Variants in SBF2 observed in about 807,000 individuals in gnomAD.
The protein encoded by SBF2 is SET binding factor 2.
SBF2 carries 112 observed loss-of-function variants against 225.2 expected under a neutral mutation model. That is an observed-to-expected ratio of 0.50 (90% CI 0.43 to 0.58). The LOEUF is 0.58. SBF2 is among the 20% of genes least tolerant of loss of function. SBF2 has a pLI of 0.00. For missense variants in SBF2, 1,996 were observed against 2,206.2 expected, an observed-to-expected ratio of 0.90 and a Z score of 1.91; for synonymous variants, 763 against 773.3, an observed-to-expected ratio of 0.99 and a Z score of 0.22.
chr11:9,844,500 C>T (rs931386126), intron 24 of SBF2, among the ~76,000 whole-genome samples: 3 of 152,104 alleles, frequency 2.0e-5, no homozygotes, highest in African/African-American at 7.2e-5. Context: ...TTCGTCATAA[C>T]TGAAGTTTAA....
At chr11:9,976,747 TTTTC>T (rs200419999) in intron 13 of SBF2, among the ~76,000 whole-genome samples, 6,496 of 151,950 alleles carry the variant, frequency 0.043, 185 homozygotes, top group Middle Eastern at 0.13. Flanking sequence ...AACTGATTTC[TTTTC>T]TTTTTTTTTG....
At chr11:9,969,065 A>AC (rs1352011117) in intron 13 of SBF2, among the ~76,000 whole-genome samples, 1 of 152,224 alleles carries the variant, frequency 6.6e-6, no homozygotes, top group East Asian at 1.9e-4. Flanking sequence ...TGCAGCTCTT[A>AC]ATCTTCACCC....
At chr11:10,180,163 A>G (rs988605396) in intron 2 of SBF2, among the ~76,000 whole-genome samples, 1 of 152,064 alleles carries the variant, frequency 6.6e-6, no homozygotes, top group African/African-American at 2.4e-5. Context: ...TGTTATAAGT[A>G]TTGCCAGTGA....
intron 1 of SBF2, among the ~76,000 whole-genome samples, chr11:10,255,351 AATTTT>A (rs1300578342): frequency 1.3e-5 from 2 of 152,138 alleles, no homozygotes; most frequent in Admixed American, 6.5e-5. Context: ...AACACACATA[AATTTT>A]ATTTGTCAAT....
intron 1 of SBF2, among the ~76,000 whole-genome samples, chr11:10,239,722 G>A (rs7124401): frequency 0.37 from 52,636 of 142,014 alleles, 10,698 homozygotes; most frequent in Non-Finnish European, 0.46. Context: ...AGACCGTGAC[G>A]TCACAACAAT....
At chr11:9,964,004 A>T in intron 14 of SBF2, 122 bp from the exon 15 acceptor site, 1 of 654,342 alleles carries the variant, frequency 1.5e-6, no homozygotes. Context: ...TAATCCCAGC[A>T]ATTTGGGAGG....
At chr11:10,166,205 A>C (rs1955943542) in intron 2 of SBF2, among the ~76,000 whole-genome samples, 1 of 152,232 alleles carries the variant, frequency 6.6e-6, no homozygotes, top group African/African-American at 2.4e-5. Flanking sequence ...TCACTTGACA[A>C]GGGTATTGTA....
At chr11:10,130,489 T>TG (rs1418777415) in intron 2 of SBF2, among the ~76,000 whole-genome samples, 4 of 152,170 alleles carry the variant, frequency 2.6e-5, no homozygotes, top group African/African-American at 9.7e-5. Flanking sequence ...TGAGGTCCCC[T>TG]GTACTCTTTA....
At chr11:10,162,134 T>C (rs992995690) in intron 2 of SBF2, among the ~76,000 whole-genome samples, 1 of 151,682 alleles carries the variant, frequency 6.6e-6, no homozygotes, top group Non-Finnish European at 1.5e-5. Context: ...GCATGAGTCT[T>C]TGACAACATC....
At chr11:10,108,279 G>A (rs1952645875) in intron 2 of SBF2, among the ~76,000 whole-genome samples, 2 of 152,088 alleles carry the variant, frequency 1.3e-5, no homozygotes, top group Admixed American at 6.6e-5. Flanking sequence ...TACCCCAAAA[G>A]GGAAGACAGG....
intron 28 of SBF2, among the ~76,000 whole-genome samples, chr11:9,820,603 A>G (rs1854696165): frequency 6.6e-6 from 1 of 152,148 alleles, no homozygotes; most frequent in South Asian, 2.1e-4. Context: ...GCCTGGAATG[A>G]TTTCCCCCAT....
At chr11:10,001,528 ATT>A (rs1316237736) in intron 7 of SBF2, among the ~76,000 whole-genome samples, 2 of 146,570 alleles carry the variant, frequency 1.4e-5, no homozygotes, top group Non-Finnish European at 1.5e-5. Context: ...TTAAAAATAA[ATT>A]TTTTTTTTTT....
intron 2 of SBF2, among the ~76,000 whole-genome samples, chr11:10,099,801 T>C (rs1486855347): frequency 6.6e-6 from 1 of 152,082 alleles, no homozygotes; most frequent in Non-Finnish European, 1.5e-5. Flanking sequence ...AAATGTTTGA[T>C]ATGTCTTATG....
intron 2 of SBF2, among the ~76,000 whole-genome samples, chr11:10,147,040 T>C (rs1463544813): frequency 2.0e-5 from 3 of 149,108 alleles, no homozygotes; most frequent in Admixed American, 6.7e-5. Flanking sequence ...AGAATGGCTA[T>C]TATTAAAAAG....
intron 2 of SBF2, among the ~76,000 whole-genome samples, chr11:10,170,499 T>C (rs1200703583): frequency 6.6e-6 from 1 of 152,228 alleles, no homozygotes; most frequent in Non-Finnish European, 1.5e-5. Flanking sequence ...TCTGGTTTCA[T>C]GCCAGTAACA....
chr11:10,059,705 T>C (rs572557223), intron 2 of SBF2, among the ~76,000 whole-genome samples: 1 of 152,206 alleles, frequency 6.6e-6, no homozygotes, highest in South Asian at 2.1e-4. Context: ...GCAATAAAAA[T>C]AGAAGTCAAC....
chr11:9,806,934 G>A (rs968039230), intron 32 of SBF2, among the ~76,000 whole-genome samples: 33 of 152,164 alleles, frequency 2.2e-4, no homozygotes, highest in African/African-American at 7.0e-4. Context: ...AAATTATGTA[G>A]TGATCTGGAA....
At chr11:10,057,263 C>A (rs1357799268) in intron 2 of SBF2, among the ~76,000 whole-genome samples, 2 of 152,174 alleles carry the variant, frequency 1.3e-5, no homozygotes, top group African/African-American at 4.8e-5. Context: ...CCTCCAGCCA[C>A]CCCCTGCCAG....
chr11:10,021,166 T>C (rs190215002), intron 6 of SBF2, among the ~76,000 whole-genome samples: 120 of 152,304 alleles, frequency 7.9e-4, no homozygotes, highest in African/African-American at 2.8e-3. Flanking sequence ...GTGAAAACTG[T>C]TGGATACATT....
Sources: allele counts gnomAD v4.1 joint callset (sites outside exome capture counted in the v4.1 genomes callset), GRCh38; gene constraint gnomAD v4.1.1; transcripts MANE v1.5; gene names NCBI Gene and HGNC (gene_info 2026-07-23, HGNC 2026-07-21).